AP3D1: variants seen among roughly 807,000 people sequenced by gnomAD.
AP3D1 encodes adaptor related protein complex 3 subunit delta 1.
A neutral mutation model predicts 147.6 loss-of-function variants in AP3D1; 51 were observed. The observed-to-expected ratio is 0.35, with a 90% CI of 0.28 to 0.44. The LOEUF (loss-of-function observed/expected upper bound fraction) is 0.44. Among genes scored for constraint, AP3D1 ranks in the 20% least tolerant of loss-of-function variants. The probability of loss-of-function intolerance (pLI) is 1.00; values close to 1 mark genes in which losing one functional copy is unlikely to be tolerated. For synonymous variants in AP3D1, 760 were observed against 663.0 expected, an observed-to-expected ratio of 1.15 and a Z score of -2.25; for missense variants, 1,421 against 1,624.2, an observed-to-expected ratio of 0.87 and a Z score of 2.15.
At position 2,102,245 on chromosome 19, in the gene AP3D1, G is replaced by A. The variant is rs185787445; in HGVS notation, c.3576C>T (p.Asp1192=). ...VKKGENSVSV[D]GKCSDSTLLS... is the part of the protein sequence containing the mutation. ...GTAGCGTGGAGTCACTGCACTTCCC[G>A]TCGACTGAGACAGAGTTCTCACCCT... The change falls in exon 32 of 32, where the codon GAC becomes GAT. Residue 1192 remains aspartate, a synonymous_variant. Coordinates refer to ENST00000643116, the MANE Select transcript of AP3D1 (RefSeq NM_001261826.3). 55 of 1,613,634 alleles carry A rather than the reference G, an allele frequency of 3.4e-5. No individual in the cohort carries two copies. In the East Asian group the frequency reaches 4.9e-4, roughly 14 times the overall value.
Position 2,118,603 on chromosome 19 carries a change from G to A in AP3D1, c.1711C>T (p.Arg571Trp). The A allele has an allele frequency of 1.2e-6, 2 of 1,607,362 alleles. No individual in the cohort carries two copies. Among genetic ancestry groups the A allele is most frequent in the Non-Finnish European group, 1.7e-6 (2 of 1,178,950 alleles). ...CAACACGGAGTGTTGGATCTTACCC[G>A]CTCCTGCACCTCCAGGTCTGCGCTC... Reference protein sequence around the residue: ...VQSADLEVQERASCILQLVKH... With the variant: ...VQSADLEVQEWASCILQLVKH... The change falls in exon 15 of 32, where the codon CGG becomes TGG. Residue 571 changes from arginine to tryptophan, a missense_variant and splice_region_variant. Physicochemically the swap from Arg to Trp is moderately radical, Grantham distance 101. Coordinates refer to ENST00000643116, the MANE Select transcript of AP3D1 (RefSeq NM_001261826.3).
At chr19:2,152,327 G>A (rs1038220976), upstream of AP3D1, among the ~76,000 whole-genome samples, 1 of 152,004 alleles carries the variant, frequency 6.6e-6, no homozygotes, top group African/African-American at 2.4e-5. Context: ...AAGATCACTT[G>A]AGGTCAGGAG....
At chr19:2,148,055 G>T (rs780871954) in intron 1 of AP3D1, among the ~76,000 whole-genome samples, 3 of 149,972 alleles carry the variant, frequency 2.0e-5, no homozygotes, top group Non-Finnish European at 4.4e-5. Flanking sequence ...GCTGAGGCAG[G>T]AGAATGGCGT....
At position 2,115,521 on chromosome 19, in the gene AP3D1, A is replaced by G; in HGVS notation, c.2149+17T>C. On this transcript the variant is annotated intron_variant, in intron 19 of 31. Coordinates refer to ENST00000643116, the MANE Select transcript of AP3D1 (RefSeq NM_001261826.3). ...CCCATGTGACAAATGCGGCGCCGAC[A>G]CACCGGAGACACTTGCCTGGAACCT... The G allele has an allele frequency of 6.2e-7, 1 of 1,612,172 alleles. No individual in the cohort carries two copies.
At position 2,110,235 on chromosome 19, in the gene AP3D1, C is replaced by A. The variant is rs781547496; in HGVS notation, c.3176-11G>T. 8 of 1,610,194 alleles carry A rather than the reference C, an allele frequency of 5.0e-6. No individual in the cohort carries two copies. Among genetic ancestry groups the A allele is most frequent in the African/African-American group, 1.3e-5 (1 of 74,922 alleles). On this transcript the variant is annotated splice_polypyrimidine_tract_variant and intron_variant, in intron 27 of 31. Transcript: ENST00000643116. ...CTTCGTTGGAGACGCCTGGCGGGGG[C>A]GAGAGGGAGTGGGGCCTGAGACGCT...
intron 1 of AP3D1, among the ~76,000 whole-genome samples, chr19:2,150,815 C>T (rs1023832051): frequency 1.3e-5 from 2 of 152,118 alleles, no homozygotes; most frequent in East Asian, 3.8e-4. Context: ...CGGAAACACA[C>T]TCAGGTTGAA....
At position 2,108,779 on chromosome 19, in the gene AP3D1, G is replaced by A. The variant is rs745508810; in HGVS notation, c.3473-13C>T. 2.0e-5 allele frequency: 31 copies of A among 1,559,286 alleles called. No homozygotes were observed. Among genetic ancestry groups the A allele is most frequent in the African/African-American group, 2.7e-5 (2 of 73,306 alleles). ...ACTCGCTCCACAACTGCAACAGAGC[G>A]GGCAGTGTTAGGCTTCCCGGACATT... is the stretch of plus-strand genomic sequence containing the variant. On this transcript the variant is annotated splice_polypyrimidine_tract_variant and intron_variant, in intron 30 of 31. Coordinates refer to ENST00000643116, the MANE Select transcript of AP3D1 (RefSeq NM_001261826.3).
At chr19:2,105,163 G>T (rs1434734928) in intron 31 of AP3D1, among the ~76,000 whole-genome samples, 4 of 152,194 alleles carry the variant, frequency 2.6e-5, no homozygotes, top group Non-Finnish European at 5.9e-5. Context: ...GAGAGCAACA[G>T]CCATGAACCC....
intron 1 of AP3D1, among the ~76,000 whole-genome samples, chr19:2,156,674 C>T (rs1411311049): frequency 6.6e-6 from 1 of 151,958 alleles, no homozygotes; most frequent in East Asian, 1.9e-4. Context: ...CACAGTGAAA[C>T]CCCGTCTCTA....
At chr19:2,106,162 AGGC>A (rs1002824768) in intron 31 of AP3D1, among the ~76,000 whole-genome samples, 7 of 152,204 alleles carry the variant, frequency 4.6e-5, no homozygotes, top group Non-Finnish European at 8.8e-5. Context: ...GCACGGCAGC[AGGC>A]GGGAAACAAA....
intron 9 of AP3D1, 100 bp downstream of exon 9, chr19:2,127,052 T>G: frequency 7.8e-7 from 1 of 1,283,420 alleles, no homozygotes; most frequent in Non-Finnish European, 1.1e-6. Flanking sequence ...CCAGCAGGGG[T>G]GGCGCTCGGA....
intron 31 of AP3D1, among the ~76,000 whole-genome samples, chr19:2,106,257 C>T (rs1174934501): frequency 6.6e-6 from 1 of 152,036 alleles, no homozygotes; most frequent in African/African-American, 2.4e-5. Flanking sequence ...ATCACACTCC[C>T]GGGTGTATAT....
Position 2,112,861 on chromosome 19 carries a change from T to C in AP3D1, c.2786A>G (p.Lys929Arg), listed in dbSNP as rs202112099. 178 of 1,609,382 alleles carry C rather than the reference T, an allele frequency of 1.1e-4. No individual in the cohort carries two copies. The highest frequency in any genetic ancestry group is 1.4e-4 in the Non-Finnish European group (168 of 1,177,778). The change falls in exon 24 of 32, where the codon AAG (lysine) becomes AGG (arginine). Residue 929 changes from lysine to arginine, a missense_variant and splice_region_variant. Physicochemically the swap from Lys to Arg is conservative, Grantham distance 26. Coordinates refer to ENST00000643116, the MANE Select transcript of AP3D1 (RefSeq NM_001261826.3). ...CCCCTGGGGGAGTGACAGCCTCACC[T>C]TGTCCTGGTCTTGCCCCTCGGCATC... ...EDDAEGQDQD[K>R]KSPKPKKKKH...
intron 31 of AP3D1, among the ~76,000 whole-genome samples, chr19:2,103,992 C>T (rs1446585924): frequency 6.6e-6 from 1 of 151,836 alleles, no homozygotes; most frequent in African/African-American, 2.4e-5. Context: ...CACTAACACC[C>T]AGACCCTAAT....
chr19:2,126,269 T>G (rs1360899385), intron 9 of AP3D1, among the ~76,000 whole-genome samples: 2 of 152,208 alleles, frequency 1.3e-5, no homozygotes, highest in Non-Finnish European at 1.5e-5. Flanking sequence ...TTGGCTGACT[T>G]GGAGCAGCTT....
intron 9 of AP3D1, among the ~76,000 whole-genome samples, chr19:2,124,612 T>C (rs2018701191): frequency 6.6e-6 from 1 of 152,058 alleles, no homozygotes; most frequent in South Asian, 2.1e-4. Context: ...AAGACATGGG[T>C]TCTTGGAAGC....
chr19:2,107,734 C>T lies in AP3D1; in HGVS notation c.3552+953G>A, dbSNP rs1239625564. On this transcript the variant is annotated intron_variant, in intron 31 of 31. Coordinates refer to ENST00000643116, the MANE Select transcript of AP3D1 (RefSeq NM_001261826.3). The stretch of plus-strand genomic sequence containing the variant: ...CAGCCTGGGCGACAGAGCGAGACTC[C>T]GTCTCAAAAAAAAAAAAAAAGAAAA... 9.7e-5 allele frequency among the ~76,000 whole-genome samples: 14 copies of T among 144,270 alleles called. No homozygotes were observed. The South Asian group carries it at 1.5e-3, about 16-fold the overall frequency. The allele number at this position is 144,270 out of a possible 152,430, so 94.6% of individuals were successfully genotyped here.
Position 2,151,252 on chromosome 19 carries a change from T to C in AP3D1, c.83A>G (p.His28Arg). 5 of 1,611,420 alleles carry C rather than the reference T, an allele frequency of 3.1e-6. No individual in the cohort carries two copies. The South Asian group carries it at 4.4e-5, about 14-fold the overall frequency. The change falls in exon 1 of 32, where the codon CAC becomes CGC. Residue 28 changes from histidine to arginine, a missense_variant. His to Arg is a conservative substitution (Grantham distance 29, BLOSUM62 0). Coordinates refer to ENST00000643116, the MANE Select transcript of AP3D1 (RefSeq NM_001261826.3). ...LQDLVRGIRN[H>R]KEDEAKYISQ... is the part of the protein sequence containing the mutation. Reference sequence around the variant, plus strand: ...CGCCGGGCTCACCTCGTCCTCCTTGTGGTTACGGATGCCGCGGACCAAGTC... The same window carrying C: ...CGCCGGGCTCACCTCGTCCTCCTTGCGGTTACGGATGCCGCGGACCAAGTC...
chr19:2,115,097 G>A (rs1164571048), intron 20 of AP3D1, 122 bp downstream of exon 20: 14 of 1,059,014 alleles, frequency 1.3e-5, no homozygotes, highest in South Asian at 3.0e-5. Flanking sequence ...TATGCTCTCC[G>A]GGGTGGGGCC....
Sources: gnomAD v4.1 joint callset for allele counts (sites outside exome capture counted in the v4.1 genomes callset) on GRCh38, gnomAD v4.1.1 for gene constraint, MANE v1.5 for transcripts, NCBI Gene and HGNC (gene_info 2026-07-23, HGNC 2026-07-21) for gene names.